The following PACS1 variants were observed in gnomAD, a reference collection of about 807,000 sequenced individuals.
PACS1 encodes the protein PACS-1.
In PACS1, 24 loss-of-function variants were observed where a neutral mutation model predicts 115.0. The observed-to-expected ratio is 0.21, with a 90% CI of 0.15 to 0.29. The LOEUF (loss-of-function observed/expected upper bound fraction) is 0.29. PACS1 is among the 10% of genes least tolerant of loss of function. The pLI is 1.00. For synonymous variants in PACS1, 453 were observed against 504.5 expected (o/e 0.90, Z 1.37); for missense variants, 838 against 1,251.2 (o/e 0.67, Z 4.98).
At chr11:66,157,866 A>G (rs1021820360) in intron 1 of PACS1, among the ~76,000 whole-genome samples, 2 of 151,676 alleles carry the variant, frequency 1.3e-5, no homozygotes, top group Admixed American at 1.3e-4. Flanking sequence ...AAAACCTAAC[A>G]TGGTATTTAG....
intron 1 of PACS1, among the ~76,000 whole-genome samples, chr11:66,133,226 A>G (rs1266411958): frequency 1.3e-5 from 2 of 152,148 alleles, no homozygotes; most frequent in Non-Finnish European, 2.9e-5. Flanking sequence ...TATAGCCATT[A>G]TTACTCTGCT....
intron 1 of PACS1, among the ~76,000 whole-genome samples, chr11:66,080,232 T>A (rs754310356): frequency 2.6e-5 from 4 of 152,244 alleles, no homozygotes; most frequent in Non-Finnish European, 4.4e-5. Flanking sequence ...TTACTGAGTG[T>A]TTCTGTGTGC....
chr11:66,097,875 T>C (rs182921070), intron 1 of PACS1, among the ~76,000 whole-genome samples: 196 of 152,266 alleles, frequency 1.3e-3, no homozygotes, highest in African/African-American at 4.5e-3. Flanking sequence ...TTCAAGTCTT[T>C]TTCTTATTTT....
Position 66,210,925 on chromosome 11 carries a change from A to G in PACS1, c.535-209A>G, listed in dbSNP as rs10791858. 0.21 allele frequency among the ~76,000 whole-genome samples: 31,422 copies of G among 152,174 alleles called. 3,339 individuals are homozygous for G. Among genetic ancestry groups the G allele is most frequent in the Middle Eastern group, 0.28 (82 of 294 alleles). On this transcript the variant is annotated intron_variant, in intron 3 of 23. Coordinates refer to ENST00000320580, the MANE Select transcript of PACS1 (RefSeq NM_018026.4). ...CAAGGGAAGAGACAGTTCTCTGAAT[A>G]GGTGTGGACCCCAGAGCTGTGGCGT...
chr11:66,101,623 A>G (rs1442553023), intron 1 of PACS1, among the ~76,000 whole-genome samples: 1 of 152,212 alleles, frequency 6.6e-6, no homozygotes, highest in Non-Finnish European at 1.5e-5. Context: ...TGGGGTCTTC[A>G]ACCTGATGTG....
chr11:66,112,813 A>C (rs895923532), intron 1 of PACS1, among the ~76,000 whole-genome samples: 3 of 152,244 alleles, frequency 2.0e-5, no homozygotes, highest in African/African-American at 7.2e-5. Context: ...ATAATAACAA[A>C]AGCTGGAAAG....
At chr11:66,087,723 T>G (rs1418415857) in intron 1 of PACS1, among the ~76,000 whole-genome samples, 2 of 152,240 alleles carry the variant, frequency 1.3e-5, no homozygotes, top group Non-Finnish European at 1.5e-5. Flanking sequence ...TGGGCTATGC[T>G]GAATAGTGCT....
intron 1 of PACS1, among the ~76,000 whole-genome samples, chr11:66,090,271 CT>C (rs930565654): frequency 2.5e-3 from 269 of 109,420 alleles, no homozygotes; most frequent in African/African-American, 4.4e-3. Context: ...TCTTTCCTTT[CT>C]TTTTTTTTTT....
chr11:66,088,534 AC>A (rs1857609320), intron 1 of PACS1, among the ~76,000 whole-genome samples: 1 of 152,162 alleles, frequency 6.6e-6, no homozygotes, highest in African/African-American at 2.4e-5. Context: ...CTGCATTATC[AC>A]CTTGATCATA....
chr11:66,240,523 G>A (rs1030987587), intron 21 of PACS1, among the ~76,000 whole-genome samples: 18 of 152,140 alleles, frequency 1.2e-4, no homozygotes, highest in African/African-American at 3.9e-4. Flanking sequence ...AGCCTGCCCC[G>A]GAGCTAGAAT....
chr11:66,217,704 C>T (rs1378805379), intron 7 of PACS1: 2 of 434,952 alleles, frequency 4.6e-6, no homozygotes, highest in Admixed American at 4.9e-5. Flanking sequence ...CAGGTATCCA[C>T]CTCTCAATTG....
At chr11:66,156,205 TA>T (rs1273147610) in intron 1 of PACS1, among the ~76,000 whole-genome samples, 427 of 1,234 alleles carry the variant, frequency 0.35, 4 homozygotes, top group African/African-American at 0.48. Flanking sequence ...TTTTTTAAAT[TA>T]TATATATATA....
chr11:66,229,547 T>TG (rs1053143143), intron 11 of PACS1, among the ~76,000 whole-genome samples: 1 of 151,414 alleles, frequency 6.6e-6, no homozygotes, highest in Non-Finnish European at 1.5e-5. Flanking sequence ...GGCGTGGTGG[T>TG]GGGCGCCTGT....
intron 2 of PACS1, among the ~76,000 whole-genome samples, chr11:66,208,992 A>G (rs1459020458): frequency 1.3e-5 from 2 of 152,152 alleles, no homozygotes; most frequent in African/African-American, 4.8e-5. Flanking sequence ...AATTTATTCA[A>G]CACTGTTTAT....
At chr11:66,205,821 A>C (rs1198511493) in intron 2 of PACS1, among the ~76,000 whole-genome samples, 1 of 152,098 alleles carries the variant, frequency 6.6e-6, no homozygotes, top group East Asian at 1.9e-4. Flanking sequence ...CTATATGATA[A>C]GAATTTTTGG....
chr11:66,200,566 A>G (rs1234430864), intron 2 of PACS1, among the ~76,000 whole-genome samples: 1 of 152,196 alleles, frequency 6.6e-6, no homozygotes. Flanking sequence ...AGTTCATTAT[A>G]TAATGATAAA....
intron 2 of PACS1, among the ~76,000 whole-genome samples, chr11:66,203,068 A>T (rs186446401): frequency 6.6e-6 from 1 of 152,266 alleles, no homozygotes; most frequent in Non-Finnish European, 1.5e-5. Context: ...AAGAAATCAA[A>T]TTATCCTTGT....
At chr11:66,203,313 T>G (rs1180790665) in intron 2 of PACS1, among the ~76,000 whole-genome samples, 2 of 152,082 alleles carry the variant, frequency 1.3e-5, no homozygotes, top group Non-Finnish European at 2.9e-5. Flanking sequence ...AATATCTCTA[T>G]ATTAAAAACT....
intron 1 of PACS1, among the ~76,000 whole-genome samples, chr11:66,089,649 C>CA (rs1028511585): frequency 6.6e-6 from 1 of 152,170 alleles, no homozygotes; most frequent in African/African-American, 2.4e-5. Flanking sequence ...GCTGACTACT[C>CA]AGAGTTCTTG....
Sources: gnomAD v4.1 joint callset for allele counts (sites outside exome capture counted in the v4.1 genomes callset) on GRCh38, gnomAD v4.1.1 for gene constraint, MANE v1.5 for transcripts, NCBI Gene and HGNC (gene_info 2026-07-23, HGNC 2026-07-21) for gene names.